PPP2R2C: variants seen among roughly 807,000 people sequenced by gnomAD.
The protein encoded by PPP2R2C is protein phosphatase 2 regulatory subunit Bgamma, also known as protein phosphatase 2, regulatory subunit B, gamma.
Under a neutral mutation model 45.3 loss-of-function variants are expected in PPP2R2C, and 10 were observed. That is an observed-to-expected ratio of 0.22 (90% CI 0.14 to 0.37). PPP2R2C has a LOEUF of 0.37. Among genes scored for constraint, PPP2R2C ranks in the 10% least tolerant of loss-of-function variants. PPP2R2C has a pLI of 1.00. For synonymous variants in PPP2R2C, 257 were observed against 245.4 expected (o/e 1.05, Z -0.44); for missense variants, 308 against 619.7 (o/e 0.50, Z 5.34).
intron 6 of PPP2R2C, among the ~76,000 whole-genome samples, chr4:6,334,870 C>G (rs990268593): frequency 2.6e-5 from 4 of 152,208 alleles, no homozygotes; most frequent in Non-Finnish European, 5.9e-5. Context: ...AGAGGCCCCT[C>G]CCTGCTGGCC....
intron 1 of PPP2R2C, among the ~76,000 whole-genome samples, chr4:6,425,623 C>T (rs955719939): frequency 6.6e-6 from 1 of 152,196 alleles, no homozygotes; most frequent in Non-Finnish European, 1.5e-5. Context: ...CCTTTTTGCA[C>T]AGGCTGCCTG....
At chr4:6,441,605 G>T (rs1350647373) in intron 1 of PPP2R2C, among the ~76,000 whole-genome samples, 2 of 152,182 alleles carry the variant, frequency 1.3e-5, no homozygotes, top group African/African-American at 4.8e-5. Context: ...TGCTCTGTAC[G>T]TGTCACCTGC....
chr4:6,514,882 C>T (rs1341693885), intron 2 of PPP2R2C, among the ~76,000 whole-genome samples: 1 of 152,178 alleles, frequency 6.6e-6, no homozygotes, highest in Non-Finnish European at 1.5e-5. Flanking sequence ...GTGTTGCCTG[C>T]AAGCCTGGGC....
chr4:6,437,400 C>A (rs917889641), intron 1 of PPP2R2C, among the ~76,000 whole-genome samples: 7 of 152,196 alleles, frequency 4.6e-5, no homozygotes, highest in African/African-American at 1.7e-4. Context: ...CTGGCAAGTC[C>A]TTTTGTAGTT....
At chr4:6,470,040 G>C (rs1212874349) in intron 1 of PPP2R2C, among the ~76,000 whole-genome samples, 1 of 152,118 alleles carries the variant, frequency 6.6e-6, no homozygotes. Context: ...AGCATCCTTT[G>C]GCTGCACGTT....
At chr4:6,525,715 G>C (rs1291238522) in intron 2 of PPP2R2C, among the ~76,000 whole-genome samples, 1 of 152,042 alleles carries the variant, frequency 6.6e-6, no homozygotes, top group Non-Finnish European at 1.5e-5. Flanking sequence ...TTTTTGGGGG[G>C]ATGGGGGAGG....
At chr4:6,412,055 A>T (rs1220477360) in intron 1 of PPP2R2C, among the ~76,000 whole-genome samples, 3 of 152,224 alleles carry the variant, frequency 2.0e-5, no homozygotes, top group Non-Finnish European at 4.4e-5. Flanking sequence ...CATGATGTCC[A>T]GCTCTGGGCC....
intron 1 of PPP2R2C, among the ~76,000 whole-genome samples, chr4:6,456,718 C>A (rs1488878241): frequency 6.6e-6 from 1 of 152,216 alleles, no homozygotes; most frequent in Non-Finnish European, 1.5e-5. Context: ...TGCCTTCCCA[C>A]TTCCACAGTG....
At chr4:6,441,511 ACTCT>A (rs953906224) in intron 1 of PPP2R2C, among the ~76,000 whole-genome samples, 6 of 151,012 alleles carry the variant, frequency 4.0e-5, no homozygotes, top group African/African-American at 1.5e-4. Context: ...ACACACGAGC[ACTCT>A]CTCTCCACCT....
At chr4:6,356,833 G>A (rs1713240253) in intron 5 of PPP2R2C, among the ~76,000 whole-genome samples, 1 of 152,328 alleles carries the variant, frequency 6.6e-6, no homozygotes, top group Middle Eastern at 3.4e-3. Context: ...GGCTCAGGGA[G>A]CAGGAGGAGA....
chr4:6,413,125 C>T (rs554698921), intron 1 of PPP2R2C, among the ~76,000 whole-genome samples: 9 of 152,260 alleles, frequency 5.9e-5, no homozygotes, highest in African/African-American at 1.2e-4. Flanking sequence ...CCTGCTATTT[C>T]CCCCGAGAAT....
chr4:6,388,492 G>A (rs1217011593), intron 1 of PPP2R2C, among the ~76,000 whole-genome samples: 1 of 152,156 alleles, frequency 6.6e-6, no homozygotes, highest in East Asian at 1.9e-4. Flanking sequence ...GATTATGGTG[G>A]GCCCTAGATC....
At position 6,347,929 on chromosome 4, in the gene PPP2R2C, T is replaced by C. The variant is rs774545521; in HGVS notation, c.707A>G (p.Asn236Ser). 6.2e-7 allele frequency: 1 copy of C among 1,613,540 alleles called. No individual in the cohort carries two copies. Among genetic ancestry groups the C allele is most frequent in the Non-Finnish European group, 8.5e-7 (1 of 1,179,892 alleles). Reference protein sequence around the residue: ...TASEFHPHHCNLFVYSSSKGS... With the variant: ...TASEFHPHHCSLFVYSSSKGS... Reference sequence around the variant, plus strand: ...CTTGCTGCTGCTGTAGACGAAGAGGTTGCAGTGGTGCGGATGGAACTCAGA... The same window carrying C: ...CTTGCTGCTGCTGTAGACGAAGAGGCTGCAGTGGTGCGGATGGAACTCAGA... The change falls in exon 6 of 9, where the codon AAC becomes AGC. Residue 236 changes from asparagine (N) to serine (S), a missense_variant. Asn to Ser is a conservative substitution (Grantham distance 46). Transcript: ENST00000382599.
At chr4:6,383,981 T>TATCC in intron 1 of PPP2R2C, 4 of 985,754 alleles carry the variant, frequency 4.1e-6, no homozygotes, top group Non-Finnish European at 4.8e-6. Context: ...GGGCTGGACG[T>TATCC]ATCCATCCAT....
intron 1 of PPP2R2C, among the ~76,000 whole-genome samples, chr4:6,408,722 G>A (rs6853134): frequency 0.18 from 27,479 of 152,024 alleles, 2,804 homozygotes; most frequent in South Asian, 0.31. Context: ...GAGCACTTGG[G>A]CCACAGGTGA....
intron 1 of PPP2R2C, among the ~76,000 whole-genome samples, chr4:6,540,025 TTCTCACTTTAAAGCA>T (rs1401689959): frequency 6.6e-6 from 1 of 152,224 alleles, no homozygotes; most frequent in Non-Finnish European, 1.5e-5. Flanking sequence ...GACACCAAGC[TTCTCACTTTAAAGCA>T]TATGCAGTCT....
At chr4:6,496,070 C>T (rs1722873176) in intron 2 of PPP2R2C, among the ~76,000 whole-genome samples, 1 of 152,186 alleles carries the variant, frequency 6.6e-6, no homozygotes, top group African/African-American at 2.4e-5. Context: ...CCTCTCTTTT[C>T]TCTTATGAGA....
At chr4:6,518,382 G>T (rs533077627) in intron 2 of PPP2R2C, among the ~76,000 whole-genome samples, 2 of 152,096 alleles carry the variant, frequency 1.3e-5, no homozygotes, top group African/African-American at 4.8e-5. Context: ...TGAAAAGATC[G>T]ATAAAATTAA....
chr4:6,471,071 T>G lies in PPP2R2C; in HGVS notation c.70+1089A>C, dbSNP rs1382246548. 6.6e-6 allele frequency among the ~76,000 whole-genome samples: 1 copy of G among 151,994 alleles called. No individual in the cohort carries two copies. The highest frequency in any genetic ancestry group is 2.4e-5 in the African/African-American group (1 of 41,390). On this transcript the variant is annotated intron_variant, in intron 1 of 8. Transcript: ENST00000382599. This position sits in a 1 kb window ranked among gnomAD's most constrained non-coding sequence, Gnocchi z 5.6. Reference sequence around the variant, plus strand: ...GGCGGACCCAGCCGCAGGAGCCCGGTCTCCGCCGCCTGGCCCACTCGGTCT... The same window carrying G: ...GGCGGACCCAGCCGCAGGAGCCCGGGCTCCGCCGCCTGGCCCACTCGGTCT...
Sources: gnomAD v4.1 joint callset for allele counts (sites outside exome capture counted in the v4.1 genomes callset) on GRCh38, gnomAD v4.1.1 for gene constraint, Gnocchi (gnomAD v3.1) non-coding constraint, MANE v1.5 for transcripts, NCBI Gene and HGNC (gene_info 2026-07-23, HGNC 2026-07-21) for gene names.